ATG10: variants seen among roughly 807,000 people sequenced by gnomAD.
The protein encoded by ATG10 is ubiquitin-like-conjugating enzyme ATG10.
A neutral mutation model predicts 32.1 loss-of-function variants in ATG10; 30 were observed. The observed-to-expected ratio is 0.94, with a 90% CI of 0.70 to 1.27. The LOEUF is 1.27. ATG10 is among the 50% of genes most tolerant of loss of function. ATG10 has a pLI of 0.00. For synonymous variants in ATG10, 87 were observed against 91.5 expected (o/e 0.95, Z 0.28); for missense variants, 233 against 262.3 (o/e 0.89, Z 0.77).
chr5:82,253,253 C>A, intron 6 of ATG10, 61 bp from the exon 7 acceptor site: 1 of 1,115,780 alleles, frequency 9.0e-7, no homozygotes, highest in Non-Finnish European at 1.4e-6. Context: ...TGATGTTCTA[C>A]CATTCATCCA....
At chr5:82,032,629 G>A (rs2149717061) in intron 2 of ATG10, among the ~76,000 whole-genome samples, 1 of 151,908 alleles carries the variant, frequency 6.6e-6, no homozygotes, top group East Asian at 1.9e-4. Context: ...GTATCTTTCT[G>A]TCACCTTTCA....
chr5:82,036,537 T>A (rs1421390166), intron 2 of ATG10, among the ~76,000 whole-genome samples: 1 of 152,122 alleles, frequency 6.6e-6, no homozygotes, highest in Non-Finnish European at 1.5e-5. Flanking sequence ...GAGGTTGCAG[T>A]GAGCTGAGAT....
chr5:82,027,075 A>AAAAT (rs10601125), intron 2 of ATG10, among the ~76,000 whole-genome samples: 4,785 of 144,794 alleles, frequency 0.033, 244 homozygotes, highest in African/African-American at 0.11. Flanking sequence ...ATGAATAAAT[A>AAAAT]AAATAAATAA....
rs575991106 is a variant in ATG10 at position 82,221,572 on chromosome 5, G to C, written c.454-30990G>C. 8.5e-5 allele frequency among the ~76,000 whole-genome samples: 13 copies of C among 152,212 alleles called. No homozygotes were observed. In the South Asian group the frequency reaches 2.5e-3, roughly 29 times the overall value. ...TGGTGTGGCCACCATCTATTACACT[G>C]AGGCTTTTCCAGCAGCCAGGGAAGC... On this transcript the variant is annotated intron_variant, in intron 5 of 7. Transcript: ENST00000282185.
At chr5:82,226,356 G>A (rs909679208) in intron 5 of ATG10, among the ~76,000 whole-genome samples, 2 of 152,002 alleles carry the variant, frequency 1.3e-5, no homozygotes, top group African/African-American at 4.8e-5. Context: ...GTACATGAGG[G>A]TTCTTTTTAC....
At chr5:82,098,467 C>T (rs549103465) in intron 3 of ATG10, among the ~76,000 whole-genome samples, 105 of 152,004 alleles carry the variant, frequency 6.9e-4, no homozygotes, top group African/African-American at 2.3e-3. Flanking sequence ...CCCACCACCA[C>T]GCCCTGCTAA....
chr5:82,175,407 A>G (rs1467468268), intron 4 of ATG10, among the ~76,000 whole-genome samples: 1 of 152,166 alleles, frequency 6.6e-6, no homozygotes, highest in Non-Finnish European at 1.5e-5. Context: ...GGGTCTCCCA[A>G]AGTGCTGAGA....
chr5:82,019,397 T>G (rs937491629), intron 2 of ATG10, among the ~76,000 whole-genome samples: 5 of 152,084 alleles, frequency 3.3e-5, no homozygotes, highest in African/African-American at 4.8e-5. Flanking sequence ...GTGTGTTGAG[T>G]GGGACCTTTT....
intron 5 of ATG10, among the ~76,000 whole-genome samples, chr5:82,250,906 A>T (rs150889259): frequency 6.6e-6 from 1 of 152,360 alleles, no homozygotes; most frequent in African/African-American, 2.4e-5. Flanking sequence ...GGACAGGAGG[A>T]CTTGGCATAG....
At chr5:82,238,174 T>G (rs1374565654) in intron 5 of ATG10, among the ~76,000 whole-genome samples, 2 of 152,192 alleles carry the variant, frequency 1.3e-5, no homozygotes. Flanking sequence ...CTCCACCTTA[T>G]AGCAGGGAGT....
At chr5:82,148,072 C>T (rs966050677) in intron 3 of ATG10, 5 of 152,200 alleles carry the variant, frequency 3.3e-5, no homozygotes, top group African/African-American at 9.7e-5. Context: ...GGGTTAAATC[C>T]AGCCACCTGC....
intron 2 of ATG10, among the ~76,000 whole-genome samples, chr5:82,011,987 A>G (rs1458068868): frequency 6.6e-6 from 1 of 152,170 alleles, no homozygotes; most frequent in Non-Finnish European, 1.5e-5. Flanking sequence ...CTACTACCTC[A>G]GGCTTGCTAC....
At chr5:82,226,145 TTAAG>T (rs1389341388) in intron 5 of ATG10, among the ~76,000 whole-genome samples, 2 of 152,236 alleles carry the variant, frequency 1.3e-5, no homozygotes, top group African/African-American at 4.8e-5. Flanking sequence ...GTGGGCATAT[TTAAG>T]TAAGTGTGTT....
chr5:82,009,535 G>A (rs1315552284), intron 2 of ATG10: 8 of 1,366,870 alleles, frequency 5.9e-6, no homozygotes, highest in African/African-American at 1.4e-5. Context: ...TGGGATGGAG[G>A]GGTGCTCTCC....
In ATG10 at chr5:82,085,074, A is replaced by G. The variant is rs560882733; in HGVS notation, c.216+26472A>G. Among the ~76,000 whole-genome samples the G allele has an allele frequency of 1.1e-4, 17 of 152,344 alleles. No homozygotes were observed. In the South Asian group the frequency reaches 1.2e-3, roughly 11 times the overall value. ...GAATCAAGACCCATTAGTGTGCTGT[A>G]TTCAGGAGACCCATCTCACGTGCAG... On this transcript the variant is annotated intron_variant, in intron 3 of 7. Transcript: ENST00000282185.
intron 5 of ATG10, among the ~76,000 whole-genome samples, chr5:82,239,904 G>T (rs1363101150): frequency 1.3e-5 from 2 of 151,982 alleles, no homozygotes; most frequent in Non-Finnish European, 2.9e-5. Flanking sequence ...ATGGCTAAAA[G>T]ATATATGAAA....
At chr5:82,187,224 G>A (rs1008132751) in intron 5 of ATG10, among the ~76,000 whole-genome samples, 5 of 152,054 alleles carry the variant, frequency 3.3e-5, no homozygotes, top group African/African-American at 1.2e-4. Context: ...AGGCATATGG[G>A]CCAGGCATGG....
chr5:82,110,212 G>C (rs1006401769), intron 3 of ATG10, among the ~76,000 whole-genome samples: 1 of 152,062 alleles, frequency 6.6e-6, no homozygotes, highest in African/African-American at 2.4e-5. Flanking sequence ...TTGGACATTT[G>C]GGTTGGTTCC....
chr5:82,033,000 GT>G (rs1182835194), intron 2 of ATG10, among the ~76,000 whole-genome samples: 12 of 151,988 alleles, frequency 7.9e-5, no homozygotes, highest in Non-Finnish European at 1.5e-4. Context: ...TGCTTTAGTG[GT>G]AACATATACA....
Sources: gnomAD v4.1 joint callset for allele counts (sites outside exome capture counted in the v4.1 genomes callset) on GRCh38, gnomAD v4.1.1 for gene constraint, MANE v1.5 for transcripts, NCBI Gene and HGNC (gene_info 2026-07-23, HGNC 2026-07-21) for gene names.